Variants in CHST8 observed in about 807,000 individuals in gnomAD.
CHST8 encodes the protein GALNAC-4-ST1.
CHST8 carries 10 observed loss-of-function variants against 15.0 expected under a neutral mutation model. The ratio of observed to expected loss-of-function variants is 0.67; its 90% CI spans 0.41 to 1.13. CHST8 has a LOEUF of 1.13. Among genes scored for constraint, CHST8 ranks in the 50% most tolerant of loss-of-function variants. The pLI is 0.00. For missense variants in CHST8, 634 were observed against 608.2 expected, an observed-to-expected ratio of 1.04 and a Z score of -0.45; for synonymous variants, 259 against 256.6, an observed-to-expected ratio of 1.01 and a Z score of -0.09.
chr19:33,634,744 A>G (rs986536934), intron 1 of CHST8, among the ~76,000 whole-genome samples: 1 of 146,578 alleles, frequency 6.8e-6, no homozygotes, highest in South Asian at 2.2e-4. Flanking sequence ...GCTGTGTCAC[A>G]ATGCCCAGAA....
At chr19:33,625,732 C>T (rs1305479245) in intron 1 of CHST8, among the ~76,000 whole-genome samples, 1 of 151,986 alleles carries the variant, frequency 6.6e-6, no homozygotes, top group Non-Finnish European at 1.5e-5. Flanking sequence ...CATGGTGGTG[C>T]TCACCTGTAG....
intron 3 of CHST8, among the ~76,000 whole-genome samples, chr19:33,765,540 T>TCA (rs1390763210): frequency 7.8e-6 from 1 of 128,112 alleles, no homozygotes; most frequent in Non-Finnish European, 1.7e-5. Flanking sequence ...TGTGTGTGTG[T>TCA]GTGTGTGTGT....
At chr19:33,767,961 G>A (rs2145391560) in intron 3 of CHST8, among the ~76,000 whole-genome samples, 1 of 152,166 alleles carries the variant, frequency 6.6e-6, no homozygotes, top group South Asian at 2.1e-4. Context: ...ACCCATAAGT[G>A]CCCCCCACGG....
chr19:33,769,852 A>T (rs902757057), intron 3 of CHST8, among the ~76,000 whole-genome samples: 24 of 152,030 alleles, frequency 1.6e-4, no homozygotes, highest in African/African-American at 5.8e-4. Context: ...GAAGATGGGG[A>T]CACTCTGCCC....
rs146606117 is a variant in CHST8 at position 33,635,629 on chromosome 19, A to C, written c.-164+13333A>C. Among the ~76,000 whole-genome samples, 1,343 of 152,258 alleles carry C rather than the reference A, an allele frequency of 8.8e-3. 7 individuals carry two copies. The highest frequency in any genetic ancestry group is 0.024 in the Middle Eastern group (7 of 294). ...ATGGGTGGGGGGGTGACAACACCTC[A>C]TGGACCACTCAGCATGAGCTCCGTC... On this transcript the variant is annotated intron_variant, in intron 1 of 4. Transcript: ENST00000650847.
intron 2 of CHST8, among the ~76,000 whole-genome samples, chr19:33,668,616 G>A (rs553000740): frequency 6.6e-6 from 1 of 152,258 alleles, no homozygotes; most frequent in Non-Finnish European, 1.5e-5. Flanking sequence ...CTCCAAGGAG[G>A]GAGGGGAAGA....
Position 33,769,758 on chromosome 19 carries a change from TCA to T in CHST8, c.131-1654_131-1653del, listed in dbSNP as rs1452402682. Among the ~76,000 whole-genome samples, 6 of 152,036 alleles carry T rather than the reference TCA, an allele frequency of 3.9e-5. No homozygotes were observed. In the East Asian group the frequency reaches 1.2e-3, roughly 29 times the overall value. The stretch of plus-strand genomic sequence containing the variant: ...AGCCAGGTCTACTTGGAGCTTCCCC[TCA>T]GTCTCCAGGGAAGAGTCTAGAAGGC... On this transcript the variant is annotated intron_variant, in intron 3 of 4. Coordinates refer to ENST00000650847, the MANE Select transcript of CHST8 (RefSeq NM_001127895.2).
At chr19:33,640,296 C>G (rs1264590567) in intron 1 of CHST8, among the ~76,000 whole-genome samples, 6 of 152,212 alleles carry the variant, frequency 3.9e-5, no homozygotes. Flanking sequence ...TTAATTATAA[C>G]TATATTTCTG....
chr19:33,657,698 A>G (rs1243158522), intron 1 of CHST8, among the ~76,000 whole-genome samples: 4 of 151,966 alleles, frequency 2.6e-5, no homozygotes, highest in African/African-American at 9.7e-5. Context: ...CCTCTCAAAT[A>G]GCTGGGAATA....
chr19:33,769,839 C>T (rs997624269), intron 3 of CHST8, among the ~76,000 whole-genome samples: 3 of 152,068 alleles, frequency 2.0e-5, no homozygotes, highest in Admixed American at 1.3e-4. Context: ...TGGGAGTGCC[C>T]AGGAAGATGG....
At chr19:33,716,940 G>A (rs1324438277) in intron 3 of CHST8, among the ~76,000 whole-genome samples, 1 of 152,056 alleles carries the variant, frequency 6.6e-6, no homozygotes, top group Non-Finnish European at 1.5e-5. Flanking sequence ...TCCTCCCATG[G>A]TTTTCCCTCT....
At chr19:33,763,790 G>C (rs889353557) in intron 3 of CHST8, among the ~76,000 whole-genome samples, 2 of 152,238 alleles carry the variant, frequency 1.3e-5, no homozygotes, top group African/African-American at 4.8e-5. Context: ...TTCACAGTGA[G>C]GCAGTCAGAG....
chr19:33,767,179 T>C (rs1336263892), intron 3 of CHST8, among the ~76,000 whole-genome samples: 1 of 152,182 alleles, frequency 6.6e-6, no homozygotes, highest in African/African-American at 2.4e-5. Flanking sequence ...GGCCAAGGGC[T>C]CATTCGAGGC....
At chr19:33,690,125 C>A (rs916586172) in intron 3 of CHST8, among the ~76,000 whole-genome samples, 2 of 152,238 alleles carry the variant, frequency 1.3e-5, no homozygotes, top group Non-Finnish European at 1.5e-5. Flanking sequence ...GAACTCTCTG[C>A]TTTGGAGGGA....
chr19:33,634,445 G>A (rs1972164807), intron 1 of CHST8, among the ~76,000 whole-genome samples: 1 of 152,098 alleles, frequency 6.6e-6, no homozygotes, highest in Admixed American at 6.6e-5. Context: ...ACGTCTGGCA[G>A]TGCTTCTGAT....
intron 3 of CHST8, among the ~76,000 whole-genome samples, chr19:33,695,076 C>T (rs924415039): frequency 5.9e-5 from 9 of 151,940 alleles, no homozygotes; most frequent in African/African-American, 9.7e-5. Context: ...CTACCTGAGC[C>T]GCTGAGACCA....
At chr19:33,682,594 CT>C (rs1260671761) in intron 2 of CHST8, among the ~76,000 whole-genome samples, 1 of 152,216 alleles carries the variant, frequency 6.6e-6, no homozygotes, top group Non-Finnish European at 1.5e-5. Flanking sequence ...CTGCATTCTA[CT>C]TTCTGTCTCT....
At chr19:33,730,117 G>A (rs1328375598) in intron 3 of CHST8, among the ~76,000 whole-genome samples, 1 of 152,176 alleles carries the variant, frequency 6.6e-6, no homozygotes, top group African/African-American at 2.4e-5. Flanking sequence ...AGTGCCATGT[G>A]ACTTTCTGCT....
chr19:33,773,443 TTCTACGAGCCAGGG>T lies in CHST8; in HGVS notation c.*381_*394del, dbSNP rs1975055829. 1 of 218,966 alleles carries T rather than the reference TTCTACGAGCCAGGG, an allele frequency of 4.6e-6. No individual in the cohort carries two copies. Among genetic ancestry groups the T allele is most frequent in the East Asian group, 1.0e-4 (1 of 9,706 alleles). The allele number at this position is 218,966 out of a possible 1,614,324, so 13.6% of individuals were successfully genotyped here. On this transcript the variant is annotated 3_prime_UTR_variant, in exon 5 of 5. Transcript: ENST00000650847. The stretch of plus-strand genomic sequence containing the variant: ...GACCAAACCACGTGGTTTGCAGCTT[TTCTACGAGCCAGGG>T]GGGAGGTTCCCTTGGATTAAGGTTC...
Sources: gnomAD v4.1 joint callset for allele counts (sites outside exome capture counted in the v4.1 genomes callset) on GRCh38, gnomAD v4.1.1 for gene constraint, MANE v1.5 for transcripts, NCBI Gene and HGNC (gene_info 2026-07-23, HGNC 2026-07-21) for gene names.